ATG5: variants seen among roughly 807,000 people sequenced by gnomAD.
The protein encoded by ATG5 is autophagy protein 5.
Under a neutral mutation model 36.5 loss-of-function variants are expected in ATG5, and 14 were observed. The ratio of observed to expected loss-of-function variants is 0.38; its 90% confidence interval spans 0.25 to 0.60. ATG5 has a LOEUF of 0.60. Among genes scored for constraint, ATG5 ranks in the 20% least tolerant of loss-of-function variants. ATG5 has a pLI of 0.60. For synonymous variants in ATG5, 95 were observed against 101.5 expected, an observed-to-expected ratio of 0.94 and a Z score of 0.38; for missense variants, 195 against 326.7, an observed-to-expected ratio of 0.60 and a Z score of 3.11.
rs1313025411 is a variant in ATG5, at chr6:106,233,810, C to G, written c.573+14340G>C. ...TATTTTTCTCTTTACTGTTCTCTTA[C>G]CCCCTTTCACTCTCACTGCACCCCC... On this transcript the variant is annotated intron_variant, in intron 6 of 7. Coordinates refer to ENST00000369076, the MANE Select transcript of ATG5 (RefSeq NM_004849.4). Among the ~76,000 whole-genome samples, 3 of 152,200 alleles carry G rather than the reference C, an allele frequency of 2.0e-5. No individual in the cohort carries two copies. In the East Asian group the frequency reaches 5.8e-4, roughly 29 times the overall value.
chr6:106,284,554 T>A (rs1363216881), intron 4 of ATG5, among the ~76,000 whole-genome samples: 1 of 150,078 alleles, frequency 6.7e-6, no homozygotes, highest in Non-Finnish European at 1.5e-5. Context: ...GAGTTCTCGT[T>A]ATGTTGACCA....
chr6:106,261,308 T>C (rs910540259), intron 5 of ATG5, among the ~76,000 whole-genome samples: 2 of 152,218 alleles, frequency 1.3e-5, no homozygotes, highest in East Asian at 1.9e-4. Context: ...GAAACAGTTA[T>C]GGTTAAGTTT....
intron 5 of ATG5, among the ~76,000 whole-genome samples, chr6:106,278,781 A>G (rs548108263): frequency 2.6e-5 from 4 of 152,330 alleles, no homozygotes; most frequent in African/African-American, 9.6e-5. Flanking sequence ...CAACACGACT[A>G]TGTGCTTTGC....
chr6:106,200,130 T>C (rs964937025), intron 7 of ATG5, among the ~76,000 whole-genome samples: 4 of 152,148 alleles, frequency 2.6e-5, no homozygotes, highest in African/African-American at 9.7e-5. Flanking sequence ...CAAGCATACT[T>C]GACTAAGGAA....
chr6:106,274,948 G>C (rs542819737), intron 5 of ATG5, among the ~76,000 whole-genome samples: 93 of 152,310 alleles, frequency 6.1e-4, no homozygotes, highest in African/African-American at 2.2e-3. Flanking sequence ...GGTCATGAAA[G>C]TTGAAAGCAT....
intron 7 of ATG5, among the ~76,000 whole-genome samples, chr6:106,200,258 T>C (rs1209178567): frequency 6.6e-6 from 1 of 152,198 alleles, no homozygotes; most frequent in Non-Finnish European, 1.5e-5. Context: ...ATTCTACTAC[T>C]TAGGCAAACT....
chr6:106,227,568 C>G (rs1777496043), intron 6 of ATG5, among the ~76,000 whole-genome samples: 1 of 151,118 alleles, frequency 6.6e-6, no homozygotes, highest in Non-Finnish European at 1.5e-5. Flanking sequence ...TGCACTCTTG[C>G]AGTGGAGACC....
chr6:106,292,095 T>C (rs1002903068), intron 4 of ATG5, among the ~76,000 whole-genome samples: 1 of 152,072 alleles, frequency 6.6e-6, no homozygotes, highest in Non-Finnish European at 1.5e-5. Context: ...AATAATGTAT[T>C]GGAGAGAGGC....
At chr6:106,209,181 TC>T (rs1299408407) in intron 6 of ATG5, among the ~76,000 whole-genome samples, 1 of 152,288 alleles carries the variant, frequency 6.6e-6, no homozygotes, top group Admixed American at 6.5e-5. Context: ...TCTTGAATAT[TC>T]CCAGAAGTAA....
chr6:106,291,299 T>G (rs1780298647), intron 4 of ATG5, among the ~76,000 whole-genome samples: 1 of 152,228 alleles, frequency 6.6e-6, no homozygotes, highest in East Asian at 1.9e-4. Flanking sequence ...TAAACTGGTG[T>G]TCTTTTTACT....
chr6:106,300,294 C>T (rs1350068336), intron 3 of ATG5, among the ~76,000 whole-genome samples: 1 of 152,034 alleles, frequency 6.6e-6, no homozygotes. Flanking sequence ...GGTTAAGTTC[C>T]AGAAATTCAC....
chr6:106,290,848 G>C (rs547738), intron 4 of ATG5, among the ~76,000 whole-genome samples: 43 of 152,046 alleles, frequency 2.8e-4, no homozygotes, highest in African/African-American at 9.2e-4. Flanking sequence ...AATAACCACC[G>C]ATCTCATCAG....
chr6:106,305,295 T>C (rs1477512716), intron 3 of ATG5, among the ~76,000 whole-genome samples: 1 of 152,170 alleles, frequency 6.6e-6, no homozygotes, highest in Non-Finnish European at 1.5e-5. Context: ...ACTATTTCTT[T>C]AAAAAATCTT....
chr6:106,294,760 T>C (rs2114634534), intron 3 of ATG5, among the ~76,000 whole-genome samples: 1 of 150,522 alleles, frequency 6.6e-6, no homozygotes, highest in East Asian at 2.0e-4. Flanking sequence ...GGAGACTCTC[T>C]TGAGCCCGAG....
chr6:106,265,816 G>A (rs143769620), intron 5 of ATG5, among the ~76,000 whole-genome samples: 1,525 of 152,186 alleles, frequency 0.01, 25 homozygotes, highest in African/African-American at 0.035. Flanking sequence ...AAGAGACAAC[G>A]TACCAGAATC....
chr6:106,286,646 C>T (rs1206959866), intron 4 of ATG5, among the ~76,000 whole-genome samples: 1 of 152,138 alleles, frequency 6.6e-6, no homozygotes, highest in Non-Finnish European at 1.5e-5. Flanking sequence ...GATGTTACCC[C>T]AGTGATTAAG....
chr6:106,250,830 T>C (rs909103113), intron 5 of ATG5, among the ~76,000 whole-genome samples: 7 of 152,240 alleles, frequency 4.6e-5, no homozygotes, highest in Admixed American at 2.0e-4. Flanking sequence ...AGTTATCAAT[T>C]GTATGACTCT....
At chr6:106,256,788 A>G (rs993357252) in intron 5 of ATG5, among the ~76,000 whole-genome samples, 1 of 152,206 alleles carries the variant, frequency 6.6e-6, no homozygotes, top group Admixed American at 6.5e-5. Flanking sequence ...GGGTGAGTCA[A>G]CAAGTGAGTG....
chr6:106,286,101 T>C (rs1486769963), intron 4 of ATG5, among the ~76,000 whole-genome samples: 2 of 151,364 alleles, frequency 1.3e-5, no homozygotes, highest in Non-Finnish European at 2.9e-5. Flanking sequence ...GTATCAGCTA[T>C]GCATGTGCAA....
Sources: allele counts gnomAD v4.1 joint callset (sites outside exome capture counted in the v4.1 genomes callset), GRCh38; gene constraint gnomAD v4.1.1; transcripts MANE v1.5; gene names NCBI Gene and HGNC (gene_info 2026-07-23, HGNC 2026-07-21).